The following MAPK10 variants were observed in gnomAD, a reference collection of about 807,000 sequenced individuals.
The protein encoded by MAPK10 is mitogen-activated protein kinase 10.
In MAPK10, 25 loss-of-function variants were observed where a neutral mutation model predicts 59.3. That is an observed-to-expected ratio of 0.42 (90% CI 0.31 to 0.59). The LOEUF (loss-of-function observed/expected upper bound fraction) is 0.59. MAPK10 is among the 20% of genes least tolerant of loss of function. The pLI is 0.15. For missense variants in MAPK10, 351 were observed against 568.9 expected (o/e 0.62, Z 3.90); for synonymous variants, 190 against 200.5 (o/e 0.95, Z 0.44).
chr4:86,339,705 G>A (rs1223487067), intron 2 of MAPK10, among the ~76,000 whole-genome samples: 1 of 152,042 alleles, frequency 6.6e-6, no homozygotes, highest in Non-Finnish European at 1.5e-5. Flanking sequence ...GGATAACAAT[G>A]GCACCTATCT....
intron 2 of MAPK10, among the ~76,000 whole-genome samples, chr4:86,329,219 G>A (rs1284165802): frequency 1.3e-5 from 2 of 152,086 alleles, no homozygotes; most frequent in Admixed American, 1.3e-4. Context: ...TGTTATAGAA[G>A]CACAAAATAG....
chr4:86,594,034 T>C (rs963953375), exon 1 of MAPK10: 9 of 152,276 alleles, frequency 5.9e-5, no homozygotes, highest in Non-Finnish European at 1.3e-4. Context: ...CTGCAGGCGC[T>C]AGGAACTCTG....
chr4:86,272,559 G>A (rs147017564), intron 2 of MAPK10, among the ~76,000 whole-genome samples: 51 of 151,762 alleles, frequency 3.4e-4, no homozygotes, highest in Non-Finnish European at 6.5e-4. Flanking sequence ...GATTTTTGCC[G>A]AGAAACATAA....
At chr4:86,208,895 A>G (rs569819493) in intron 2 of MAPK10, among the ~76,000 whole-genome samples, 1 of 152,148 alleles carries the variant, frequency 6.6e-6, no homozygotes, top group African/African-American at 2.4e-5. Context: ...TGACAAATCA[A>G]TAGTATCTGA....
intron 9 of MAPK10, among the ~76,000 whole-genome samples, chr4:86,071,234 G>C (rs2047877600): frequency 6.6e-6 from 1 of 151,888 alleles, no homozygotes; most frequent in African/African-American, 2.4e-5. Context: ...CTTTTTAATG[G>C]GGTTGTTTGT....
At chr4:86,400,157 G>T (rs1320499811) in intron 1 of MAPK10, among the ~76,000 whole-genome samples, 1 of 152,086 alleles carries the variant, frequency 6.6e-6, no homozygotes, top group African/African-American at 2.4e-5. Flanking sequence ...TTTTGCTACT[G>T]CATTAGAACT....
intron 2 of MAPK10, among the ~76,000 whole-genome samples, chr4:86,338,027 T>C (rs1213021264): frequency 1.3e-5 from 2 of 152,188 alleles, no homozygotes; most frequent in African/African-American, 4.8e-5. Context: ...CTGTGGAAAT[T>C]ATAAAAATAA....
intron 4 of MAPK10, chr4:86,124,016 G>A (rs1321185430): frequency 6.6e-6 from 1 of 151,890 alleles, no homozygotes; most frequent in Non-Finnish European, 1.5e-5. Flanking sequence ...GCTATGGAAG[G>A]TCATTCTATC....
In MAPK10 at chr4:86,293,068, C is replaced by T. The variant is rs545204154; in HGVS notation, c.-7+61462G>A. The stretch of plus-strand genomic sequence containing the variant: ...AATACAACTATGTCTATAGTTTAAA[C>T]ATATCACATTAAATAAAATTCACTG... On this transcript the variant is annotated intron_variant, in intron 2 of 13. Coordinates refer to ENST00000641462, the MANE Select transcript of MAPK10 (RefSeq NM_138982.4). 5.3e-5 allele frequency among the ~76,000 whole-genome samples: 8 copies of T among 152,326 alleles called. No homozygotes were observed. In the South Asian group the frequency reaches 1.7e-3, roughly 32 times the overall value.
At chr4:86,210,790 T>A (rs1420947514) in intron 2 of MAPK10, among the ~76,000 whole-genome samples, 1 of 151,180 alleles carries the variant, frequency 6.6e-6, no homozygotes, top group Non-Finnish European at 1.5e-5. Flanking sequence ...ATAAAGACTT[T>A]AAAACAATTC....
chr4:86,115,725 T>C (rs1056926042), intron 4 of MAPK10, among the ~76,000 whole-genome samples: 2 of 152,218 alleles, frequency 1.3e-5, no homozygotes, highest in Non-Finnish European at 2.9e-5. Flanking sequence ...CCTCCCAAAG[T>C]GCTGGGATTA....
intron 1 of MAPK10, among the ~76,000 whole-genome samples, chr4:86,528,200 C>T (rs1212075845): frequency 6.6e-6 from 1 of 151,962 alleles, no homozygotes; most frequent in African/African-American, 2.4e-5. Context: ...GAAAAGGAAA[C>T]TTTGGAAAAG....
intron 2 of MAPK10, among the ~76,000 whole-genome samples, chr4:86,343,552 A>G (rs771129367): frequency 1.2e-4 from 18 of 152,220 alleles, no homozygotes; most frequent in Non-Finnish European, 2.5e-4. Flanking sequence ...TATTCATTAC[A>G]TACAACAGAT....
rs866746408 is a variant in MAPK10 at position 86,367,663 on chromosome 4, G to T, written c.-121-13019C>A. Among the ~76,000 whole-genome samples the T allele has an allele frequency of 9.9e-3, 1,464 of 147,690 alleles. 8 individuals carry two copies. The highest frequency in any genetic ancestry group is 0.015 in the Non-Finnish European group (988 of 66,718). Reference sequence around the variant, plus strand: ...GTAGCAAGCATTTGTTTTTTTTTTTGTTTTGTTTTGTTTTTTTTGGTGAAA... The same window carrying T: ...GTAGCAAGCATTTGTTTTTTTTTTTTTTTTGTTTTGTTTTTTTTGGTGAAA... On this transcript the variant is annotated intron_variant, in intron 1 of 13. Coordinates refer to the MAPK10 transcript ENST00000361569.
intron 2 of MAPK10, among the ~76,000 whole-genome samples, chr4:86,266,454 G>A (rs2094241145): frequency 6.6e-6 from 1 of 152,102 alleles, no homozygotes; most frequent in Non-Finnish European, 1.5e-5. Flanking sequence ...AGTACTAACT[G>A]GCAATAATAT....
chr4:86,402,017 A>G (rs1436250523), intron 1 of MAPK10, among the ~76,000 whole-genome samples: 1 of 152,148 alleles, frequency 6.6e-6, no homozygotes, highest in Non-Finnish European at 1.5e-5. Flanking sequence ...CTACGCCCCC[A>G]GCCATAGTAA....
At chr4:86,224,072 T>G (rs1583142377) in intron 2 of MAPK10, among the ~76,000 whole-genome samples, 1 of 151,526 alleles carries the variant, frequency 6.6e-6, no homozygotes, top group South Asian at 2.1e-4. Context: ...TTCTTTATGA[T>G]CCGAAATATC....
Position 86,438,987 on chromosome 4 carries a change from T to G in MAPK10, c.-122+14043A>C, listed in dbSNP as rs1749100470. ...AGCAGCTGGGCCCTTTGGTCAATCA[T>G]GCTGACTGTGGTTCGATGGCTGCAA... On this transcript the variant is annotated intron_variant, in intron 1 of 13. Transcript: ENST00000361569. Among the ~76,000 whole-genome samples the G allele has an allele frequency of 3.9e-5, 6 of 152,340 alleles. No homozygotes were observed. In the South Asian group the frequency reaches 1.0e-3, roughly 26 times the overall value.
chr4:86,165,678 G>A (rs892857917), intron 3 of MAPK10, among the ~76,000 whole-genome samples: 4 of 148,738 alleles, frequency 2.7e-5, no homozygotes, highest in Non-Finnish European at 5.9e-5. Context: ...TGATATTACA[G>A]GCGTGAGCCA....
Sources: gnomAD v4.1 joint callset for allele counts (sites outside exome capture counted in the v4.1 genomes callset) on GRCh38, gnomAD v4.1.1 for gene constraint, MANE v1.5 for transcripts, NCBI Gene and HGNC (gene_info 2026-07-23, HGNC 2026-07-21) for gene names.